VWDE: variants seen among roughly 807,000 people sequenced by gnomAD.
VWDE encodes von Willebrand factor D and EGF domain-containing protein.
Under a neutral mutation model 178.4 loss-of-function variants are expected in VWDE, and 207 were observed. The observed-to-expected ratio is 1.16, with a 90% CI of 1.04 to 1.30. The LOEUF is 1.30. Ranked by LOEUF, VWDE falls within the 50% of genes most tolerant of loss-of-function variation. The probability of loss-of-function intolerance (pLI) is 0.00; values close to 1 mark genes in which losing one functional copy is unlikely to be tolerated. For synonymous variants in VWDE, 738 were observed against 651.4 expected, an observed-to-expected ratio of 1.13 and a Z score of -2.02; for missense variants, 2,287 against 1,901.3, an observed-to-expected ratio of 1.20 and a Z score of -3.77.
At chr7:12,334,456 T>A (rs372606943) in intron 27 of VWDE, among the ~76,000 whole-genome samples, 1 of 180 alleles carries the variant, frequency 5.6e-3, no homozygotes, top group African/African-American at 0.038. Context: ...TTGACAGGGT[T>A]GTTTTCATCA....
Position 12,370,704 on chromosome 7 carries a change from TGC to T in VWDE, c.1746_1747del (p.Met582IlefsTer3). 1 of 1,551,252 alleles carries T rather than the reference TGC, an allele frequency of 6.4e-7. No individual in the cohort carries two copies. Among genetic ancestry groups the T allele is most frequent in the Non-Finnish European group, 8.7e-7 (1 of 1,146,700 alleles). On this transcript the variant is annotated frameshift_variant, in exon 11 of 29. Coordinates refer to ENST00000275358, the MANE Select transcript of VWDE (RefSeq NM_001135924.3). LOFTEE classifies it high-confidence loss of function. Reference sequence around the variant, plus strand: ...ATAATTGTTAAAATTTTGATCAATTTGCATCCCATTTTTGTCATGGAAATCAT... The same window carrying T: ...ATAATTGTTAAAATTTTGATCAATTTATCCCATTTTTGTCATGGAAATCAT...
intron 27 of VWDE, among the ~76,000 whole-genome samples, chr7:12,334,144 A>G (rs1187659770): frequency 6.6e-6 from 1 of 152,144 alleles, no homozygotes; most frequent in Non-Finnish European, 1.5e-5. Context: ...CAATCTATTT[A>G]TCATCTACCT....
chr7:12,356,250 G>A lies in VWDE; in HGVS notation c.3606C>T (p.Tyr1202=). 2 of 1,551,302 alleles carry A rather than the reference G, an allele frequency of 1.3e-6. No homozygotes were observed. Among genetic ancestry groups the A allele is most frequent in the South Asian group, 1.2e-5 (1 of 84,042 alleles). The part of the protein sequence containing the change: ...DRNFSPGSGV[Y]LCVCLPGFHG... ...GGAAGCCAGGCAAGCAGACACACAG[G>A]TACACTCCACTCCCTGGAGAAAAGT... Residue 1202 remains tyrosine, a synonymous_variant, in exon 18 of 29, where the codon TAC becomes TAT. Transcript: ENST00000275358.
intron 24 of VWDE, among the ~76,000 whole-genome samples, chr7:12,339,288 T>C (rs879640631): frequency 2.6e-5 from 4 of 152,166 alleles, no homozygotes; most frequent in Non-Finnish European, 5.9e-5. Flanking sequence ...CTTTTCTTAC[T>C]TCATCTTACA....
intron 26 of VWDE, 70 bp from the exon 27 acceptor site, chr7:12,336,306 C>T: frequency 7.7e-7 from 1 of 1,301,254 alleles, no homozygotes; most frequent in Non-Finnish European, 1.1e-6. Context: ...ACCCACAAAA[C>T]TTTTCATTAG....
At chr7:12,339,017 A>G (rs1421021904) in intron 24 of VWDE, among the ~76,000 whole-genome samples, 2 of 152,106 alleles carry the variant, frequency 1.3e-5, no homozygotes, top group African/African-American at 4.8e-5. Context: ...ATGAGATCTA[A>G]TAAGAATTAC....
intron 10 of VWDE, among the ~76,000 whole-genome samples, chr7:12,372,697 T>C (rs1276819881): frequency 1.3e-5 from 2 of 152,132 alleles, no homozygotes; most frequent in Admixed American, 1.3e-4. Context: ...TCTAATATAC[T>C]ATTTATTACA....
At chr7:12,362,644 T>C (rs1782650061) in intron 13 of VWDE, among the ~76,000 whole-genome samples, 1 of 152,098 alleles carries the variant, frequency 6.6e-6, no homozygotes, top group African/African-American at 2.4e-5. Context: ...CACTCAGAAT[T>C]TGTCATAGAG....
At chr7:12,354,710 G>A (rs1782130217) in intron 18 of VWDE, among the ~76,000 whole-genome samples, 2 of 151,896 alleles carry the variant, frequency 1.3e-5, no homozygotes, top group African/African-American at 2.4e-5. Flanking sequence ...GACCTTTCAA[G>A]TACATACGAT....
At chr7:12,400,055 T>C (rs1784829411) in intron 1 of VWDE, among the ~76,000 whole-genome samples, 2 of 152,122 alleles carry the variant, frequency 1.3e-5, no homozygotes, top group South Asian at 4.1e-4. Context: ...GCAAAATGTA[T>C]GGAAGGCTGC....
chr7:12,344,502 G>T (rs1189706139), intron 19 of VWDE, 33 bp from the exon 20 acceptor site: 9 of 1,494,654 alleles, frequency 6.0e-6, no homozygotes, highest in Non-Finnish European at 7.3e-6. Context: ...AAGGTTGATT[G>T]CTAAAACAGA....
At chr7:12,360,942 T>C (rs1262244911) in intron 15 of VWDE, among the ~76,000 whole-genome samples, 2 of 152,146 alleles carry the variant, frequency 1.3e-5, no homozygotes, top group Non-Finnish European at 2.9e-5. Context: ...TTAGAAGTAA[T>C]CTGCCATTTC....
At chr7:12,343,693 C>T (rs1014826701) in intron 21 of VWDE, among the ~76,000 whole-genome samples, 13 of 152,106 alleles carry the variant, frequency 8.5e-5, no homozygotes, top group African/African-American at 2.2e-4. Flanking sequence ...TTTAAAGTAT[C>T]ATCCACTTTA....
intron 28 of VWDE, among the ~76,000 whole-genome samples, chr7:12,332,115 C>T (rs1049444285): frequency 2.0e-5 from 3 of 151,794 alleles, no homozygotes; most frequent in Admixed American, 2.0e-4. Flanking sequence ...ATGGTGATTG[C>T]TTTTTTCCCC....
At chr7:12,357,186 T>C (rs1782293240) in intron 17 of VWDE, 79 bp downstream of exon 17, 2 of 1,482,212 alleles carry the variant, frequency 1.3e-6, no homozygotes, top group Non-Finnish European at 1.8e-6. Context: ...ACTAGCAATA[T>C]GGCTTGTATT....
chr7:12,394,935 A>T (rs1309692154), intron 1 of VWDE, among the ~76,000 whole-genome samples: 1 of 152,202 alleles, frequency 6.6e-6, no homozygotes, highest in African/African-American at 2.4e-5. Context: ...AATCAGAGAT[A>T]CTAATTTACA....
At chr7:12,380,444 A>C (rs1353908131) in intron 5 of VWDE, 42 bp downstream of exon 5, 1 of 1,530,032 alleles carries the variant, frequency 6.5e-7, no homozygotes, top group African/African-American at 1.4e-5. Context: ...TTTGAAAATC[A>C]ATACATTCAT....
chr7:12,357,476 A>G lies in VWDE; in HGVS notation c.3314T>C (p.Leu1105Ser). ...PPVIQALQDK[L>S]QTFYGENFEY... is the part of the protein sequence containing the mutation. ...AAAGTTTTCACCATAAAATGTCTGT[A>G]ATTTGTCTTGCAATGCTTGAATCAC... The change falls in exon 17 of 29, where the codon TTA (leucine) becomes TCA (serine). Residue 1105 changes from leucine to serine, a missense_variant. Leu to Ser is a moderately radical substitution (Grantham distance 145, BLOSUM62 -2). Coordinates refer to ENST00000275358, the MANE Select transcript of VWDE (RefSeq NM_001135924.3). The G allele has an allele frequency of 6.4e-7, 1 of 1,552,192 alleles. No homozygotes were observed. Among genetic ancestry groups the G allele is most frequent in the South Asian group, 1.2e-5 (1 of 84,064 alleles).
At chr7:12,342,888 T>A (rs375177228) in intron 22 of VWDE, among the ~76,000 whole-genome samples, 195 bp downstream of exon 22, 7 of 150,154 alleles carry the variant, frequency 4.7e-5, no homozygotes, top group African/African-American at 1.7e-4. Context: ...TGTGTCCATG[T>A]GATCCCATTG....
Sources: allele counts gnomAD v4.1 joint callset (sites outside exome capture counted in the v4.1 genomes callset), GRCh38; gene constraint gnomAD v4.1.1; transcripts MANE v1.5; gene names NCBI Gene and HGNC (gene_info 2026-07-23, HGNC 2026-07-21).